The following PRKAA1 variants were observed in gnomAD, a reference collection of about 807,000 sequenced individuals.
PRKAA1 encodes 5'-AMP-activated protein kinase catalytic subunit alpha-1.
In PRKAA1, 23 loss-of-function variants were observed where a neutral mutation model predicts 56.9. The observed-to-expected ratio is 0.40, with a 90% CI of 0.29 to 0.57. The LOEUF is 0.57. Among genes scored for constraint, PRKAA1 ranks in the 20% least tolerant of loss-of-function variants. The pLI is 0.39. For synonymous variants in PRKAA1, 226 were observed against 227.0 expected (o/e 1.00, Z 0.04); for missense variants, 413 against 679.7 (o/e 0.61, Z 4.36).
At position 40,765,005 on chromosome 5, in the gene PRKAA1, T is replaced by C. The variant is rs775398537; in HGVS notation, c.1055A>G (p.Tyr352Cys). 7 of 1,614,188 alleles carry C rather than the reference T, an allele frequency of 4.3e-6. No homozygotes were observed. The highest frequency in any genetic ancestry group is 1.1e-5 in the South Asian group (1 of 91,086). The part of the protein sequence containing the change: ...RRIMNEAKDF[Y>C]LATSPPDSFL... ...AGAATCAGGTGGGCTTGTCGCCAAA[T>C]AGAAATCTTTGGCTTCATTCATTAT... The change falls in exon 7 of 9, where the codon TAT becomes TGT. Residue 352 changes from tyrosine (Y) to cysteine (C), a missense_variant. By Grantham distance (194) the Tyr-to-Cys change is radical. Transcript: ENST00000397128.
At chr5:40,765,601 A>G (rs186164967) in intron 6 of PRKAA1, among the ~76,000 whole-genome samples, 20 of 152,340 alleles carry the variant, frequency 1.3e-4, no homozygotes, top group African/African-American at 4.8e-4. Flanking sequence ...AGTGAAGATA[A>G]TGTAACAACA....
chr5:40,783,302 G>T lies in PRKAA1; in HGVS notation c.128-5716C>A, dbSNP rs144768620. Among the ~76,000 whole-genome samples, 603 of 152,000 alleles carry T rather than the reference G, an allele frequency of 4.0e-3. 7 individuals are homozygous for T. The highest frequency in any genetic ancestry group is 0.014 in the African/African-American group (568 of 41,462). ...AACAGACTCTCATAGGAAAACTATA[G>T]AAAATGTTCTTACAAACATAAAAAA... On this transcript the variant is annotated intron_variant, in intron 1 of 8. Transcript: ENST00000397128.
rs942795355 is a variant in PRKAA1 at position 40,760,417 on chromosome 5, C to A, written c.*2361G>T. The A allele has an allele frequency of 4.6e-5, 7 of 152,630 alleles. No individual in the cohort carries two copies. The highest frequency in any genetic ancestry group is 1.0e-4 in the Non-Finnish European group (7 of 68,000). 9.5% of individuals were successfully genotyped at this position (152,630 alleles called of 1,614,324 possible). Reference sequence around the variant, plus strand: ...AAAGGTCCTATTTAATTGGTTCCTCCTTTTCTTCCCCCCTCCCCACAACAG... The same window carrying A: ...AAAGGTCCTATTTAATTGGTTCCTCATTTTCTTCCCCCCTCCCCACAACAG... On this transcript the variant is annotated 3_prime_UTR_variant, in exon 9 of 9. Coordinates refer to ENST00000397128, the MANE Select transcript of PRKAA1 (RefSeq NM_006251.6).
intron 1 of PRKAA1, among the ~76,000 whole-genome samples, chr5:40,796,949 A>G (rs1417502394): frequency 6.6e-6 from 1 of 152,188 alleles, no homozygotes; most frequent in Non-Finnish European, 1.5e-5. Flanking sequence ...CTTTCTCTGC[A>G]TCCCTTATAA....
At chr5:40,796,798 G>A (rs979206424) in intron 1 of PRKAA1, among the ~76,000 whole-genome samples, 2 of 152,170 alleles carry the variant, frequency 1.3e-5, no homozygotes, top group Admixed American at 1.3e-4. Flanking sequence ...GGAAGAGTAA[G>A]GCTCAGTTGA....
intron 1 of PRKAA1, among the ~76,000 whole-genome samples, chr5:40,784,424 A>G (rs547670275): frequency 1.8e-4 from 28 of 152,276 alleles, no homozygotes; most frequent in South Asian, 6.2e-4. Context: ...TCTACCTTCC[A>G]AAGTTCAACT....
intron 1 of PRKAA1, among the ~76,000 whole-genome samples, chr5:40,785,831 C>G (rs1353598276): frequency 9.8e-4 from 57 of 58,154 alleles, no homozygotes; most frequent in African/African-American, 3.4e-3. Flanking sequence ...AGCACACACA[C>G]ACACACACAG....
At chr5:40,785,626 A>C (rs1744435513) in intron 1 of PRKAA1, among the ~76,000 whole-genome samples, 1 of 152,180 alleles carries the variant, frequency 6.6e-6, no homozygotes, top group Non-Finnish European at 1.5e-5. Flanking sequence ...CTAAAAGTAT[A>C]CAAAATATAA....
At chr5:40,794,330 A>G (rs1398919202) in intron 1 of PRKAA1, among the ~76,000 whole-genome samples, 1 of 151,902 alleles carries the variant, frequency 6.6e-6, no homozygotes, top group Non-Finnish European at 1.5e-5. Context: ...CCACTTTTTG[A>G]TGGGACTATT....
chr5:40,779,648 C>T (rs928520441), intron 1 of PRKAA1, among the ~76,000 whole-genome samples: 5 of 152,080 alleles, frequency 3.3e-5, no homozygotes, highest in African/African-American at 1.2e-4. Flanking sequence ...ATCTGAAATA[C>T]CAGACAACCT....
rs1008011823 is a variant in PRKAA1, at chr5:40,777,816, T to C, written c.128-230A>G. 7.2e-5 allele frequency among the ~76,000 whole-genome samples: 11 copies of C among 152,284 alleles called. 1 individual carries two copies. The highest frequency in any genetic ancestry group is 2.6e-4 in the Admixed American group (4 of 15,296). On this transcript the variant is annotated intron_variant, in intron 1 of 8. Coordinates refer to ENST00000397128, the MANE Select transcript of PRKAA1 (RefSeq NM_006251.6). ...GGCCGGGAGCGGTGGCTCATGCCTG[T>C]AATCCCAGCACTTTGGGAGGCCGAG...
At chr5:40,787,467 AAATAATAAT>A (rs150503090) in intron 1 of PRKAA1, among the ~76,000 whole-genome samples, 7 of 149,956 alleles carry the variant, frequency 4.7e-5, no homozygotes, top group Non-Finnish European at 7.4e-5. Flanking sequence ...CTCCATCTCA[AAATAATAAT>A]AATAATAATA....
chr5:40,798,199 G>T lies in PRKAA1; in HGVS notation c.-10C>A. On this transcript the variant is annotated 5_prime_UTR_variant, in exon 1 of 9. Coordinates refer to ENST00000397128, the MANE Select transcript of PRKAA1 (RefSeq NM_006251.6). ...AACTGAGTCTGCGCATGGCGCTGCG[G>T]GAGGGGGCGGAGGGGGCGGGCAGGG... 2 of 935,536 alleles carry T rather than the reference G, an allele frequency of 2.1e-6. No individual in the cohort carries two copies. Among genetic ancestry groups the T allele is most frequent in the Non-Finnish European group, 3.2e-6 (2 of 625,136 alleles). The allele number at this position is 935,536 out of a possible 1,614,324, so 58.0% of individuals were successfully genotyped here. A position where few individuals can be genotyped will look rare whatever the true frequency, so the allele number is the denominator to read the frequency against.
rs1456633270 is a variant in PRKAA1 at position 40,760,497 on chromosome 5, A to G, written c.*2281T>C. 1 of 152,758 alleles carries G rather than the reference A, an allele frequency of 6.5e-6. No individual in the cohort carries two copies. Among genetic ancestry groups the G allele is most frequent in the Non-Finnish European group, 1.5e-5 (1 of 68,014 alleles). The allele number at this position is 152,758 out of a possible 1,614,324, so 9.5% of individuals were successfully genotyped here. ...TACAAATTTGTAACTTTAAAAATAC[A>G]GTCTTCTGTTAACATCAGGAACATT... On this transcript the variant is annotated 3_prime_UTR_variant, in exon 9 of 9. Transcript: ENST00000397128.
chr5:40,798,089 C>T lies in PRKAA1; in HGVS notation c.101G>A (p.Gly34Glu). ...CTTCACTTTGCCGAAGGTGCCGACC[C>T]CCAGCGTGTCACCCAGAATGTAGTG... ...IGHYILGDTL[G>E]VGTFGKVKVG... The change falls in exon 1 of 9, where the codon GGG becomes GAG. Residue 34 changes from glycine (G) to glutamate (E), a missense_variant. By Grantham distance (98) the Gly-to-Glu change is moderately conservative. Coordinates refer to ENST00000397128, the MANE Select transcript of PRKAA1 (RefSeq NM_006251.6). The T allele has an allele frequency of 6.2e-7, 1 of 1,610,010 alleles. No homozygotes were observed.
At chr5:40,763,099 T>C in intron 8 of PRKAA1, 77 bp from the exon 9 acceptor site, 2 of 1,484,398 alleles carry the variant, frequency 1.3e-6, no homozygotes, top group South Asian at 2.4e-5. Flanking sequence ...TGAATTTGCT[T>C]CTTTAAGTGG....
Position 40,798,128 on chromosome 5 carries a change from C to T in PRKAA1, c.62G>A (p.Arg21Gln). Residue 21 changes from arginine (R) to glutamine (Q), a missense_variant, in exon 1 of 9, where the codon CGG becomes CAG. Arg to Gln is a conservative substitution (Grantham distance 43). Around this residue, in one of 9 missense-constraint regions of PRKAA1, gnomAD observed 61 missense variants for 73.1 expected, o/e 0.83. Transcript: ENST00000397128. ...ATAEKQKHDG[R>Q]VKIGHYILGD... The stretch of plus-strand genomic sequence containing the variant: ...CAGAATGTAGTGGCCGATCTTCACC[C>T]GCCCGTCGTGTTTCTGCTTCTCGGC... 5 of 1,607,156 alleles carry T rather than the reference C, an allele frequency of 3.1e-6. No homozygotes were observed. Among genetic ancestry groups the T allele is most frequent in the Non-Finnish European group, 4.3e-6 (5 of 1,176,156 alleles).
At position 40,797,986 on chromosome 5, in the gene PRKAA1, G is replaced by C. The variant is rs561975755; in HGVS notation, c.127+77C>G. On this transcript the variant is annotated intron_variant, in intron 1 of 8. Transcript: ENST00000397128. ...GAAAGAAGGGACGCAGCGGGCGGGG[G>C]AGGATGAAGAGGTGCGGAAAGCGGA... 1.2e-5 allele frequency: 19 copies of C among 1,566,122 alleles called. No homozygotes were observed. The African/African-American group carries it at 2.5e-4, about 20-fold the overall frequency.
chr5:40,763,202 T>C (rs114314498), intron 8 of PRKAA1, among the ~76,000 whole-genome samples, 180 bp from the exon 9 acceptor site: 3,677 of 152,278 alleles, frequency 0.024, 82 homozygotes, highest in South Asian at 0.056. Flanking sequence ...TTTTTACATA[T>C]AGTATGTATT....
Sources: allele counts gnomAD v4.1 joint callset (sites outside exome capture counted in the v4.1 genomes callset), GRCh38; gene constraint gnomAD v4.1.1; regional missense constraint gnomAD v4.1.1; transcripts MANE v1.5; gene names NCBI Gene and HGNC (gene_info 2026-07-23, HGNC 2026-07-21).